The following CCL20 variants were observed in gnomAD, a reference collection of about 807,000 sequenced individuals.
CCL20 encodes C-C motif chemokine ligand 20, also known as C-C motif chemokine 20.
CCL20 carries 8 observed loss-of-function variants against 10.8 expected under a neutral mutation model. That is an observed-to-expected ratio of 0.74 (90% CI 0.44 to 1.34). The LOEUF (loss-of-function observed/expected upper bound fraction) is 1.34, where lower values mean the gene tolerates loss of function less well. Among genes scored for constraint, CCL20 ranks in the 40% most tolerant of loss-of-function variants. The pLI, the probability that CCL20 is intolerant of heterozygous loss-of-function variation, is 0.01. For synonymous variants in CCL20, 40 were observed against 39.4 expected, an observed-to-expected ratio of 1.02 and a Z score of -0.06; for missense variants, 107 against 117.9, an observed-to-expected ratio of 0.91 and a Z score of 0.43.
intron 1 of CCL20, 65 bp downstream of exon 1, chr2:227,814,052 C>T: frequency 7.2e-7 from 1 of 1,391,166 alleles, no homozygotes; most frequent in Non-Finnish European, 1.0e-6. Flanking sequence ...TAGCCTTGAG[C>T]TCAACTGGGG....
chr2:227,814,268 T>C (rs566022789), intron 1 of CCL20, among the ~76,000 whole-genome samples: 1 of 152,170 alleles, frequency 6.6e-6, no homozygotes, highest in Non-Finnish European at 1.5e-5. Flanking sequence ...CTGGGAGTGA[T>C]ATAAAGTGTG....
At chr2:227,814,126 A>G (rs533869975) in intron 1 of CCL20, 139 bp downstream of exon 1, 104 of 732,728 alleles carry the variant, frequency 1.4e-4, no homozygotes, top group Non-Finnish European at 2.1e-4. Flanking sequence ...TTGTCTGCCC[A>G]TGGTGGAGTG....
At chr2:227,816,173 G>A (rs1159487828) in intron 2 of CCL20, 134 bp from the exon 3 acceptor site, 2 of 530,068 alleles carry the variant, frequency 3.8e-6, no homozygotes, top group Admixed American at 3.6e-5. Flanking sequence ...AGCATTTTTT[G>A]TGCATTTTAT....
chr2:227,815,313 A>C, intron 1 of CCL20, 141 bp from the exon 2 acceptor site: 1 of 526,628 alleles, frequency 1.9e-6, no homozygotes, highest in Non-Finnish European at 3.4e-6. Context: ...CAAGACATTG[A>C]AACTCCTCCT....
chr2:227,816,179 T>C (rs369379663), intron 2 of CCL20, 128 bp from the exon 3 acceptor site: 22 of 526,300 alleles, frequency 4.2e-5, no homozygotes, highest in East Asian at 3.8e-4. Context: ...TTTTGTGCAT[T>C]TTATTTTACC....
At position 227,817,134 on chromosome 2, in the gene CCL20, A is replaced by G; in HGVS notation, c.*51A>G. 6.6e-7 allele frequency: 1 copy of G among 1,504,820 alleles called. No homozygotes were observed. The highest frequency in any genetic ancestry group is 9.2e-7 in the Non-Finnish European group (1 of 1,083,232). 93.2% of individuals were successfully genotyped at this position (1,504,820 alleles called of 1,614,324 possible). On this transcript the variant is annotated 3_prime_UTR_variant, in exon 4 of 4. Coordinates refer to ENST00000358813, the MANE Select transcript of CCL20 (RefSeq NM_004591.3). ...TTGGACATAGCCCAAGAACAGAAAG[A>G]ACCTTGCTGGGGTTGGAGGTTTCAC...
rs910530068 is a variant in CCL20, at chr2:227,816,353, A to T, written c.238A>T (p.Thr80Ser). Reference protein sequence around the residue: ...KLSVCANPKQTWVKYIVRLLS... With the variant: ...KLSVCANPKQSWVKYIVRLLS... ...GTCTGTGTGCGCAAATCCAAAACAG[A>T]CTTGGGTGAAATATATTGTGCGTCT... The change falls in exon 3 of 4, where the codon ACT becomes TCT. Residue 80 changes from threonine to serine, a missense_variant. By Grantham distance (58) the Thr-to-Ser change is moderately conservative. Coordinates refer to ENST00000358813, the MANE Select transcript of CCL20 (RefSeq NM_004591.3). 1 of 1,609,856 alleles carries T rather than the reference A, an allele frequency of 6.2e-7. No individual in the cohort carries two copies. The highest frequency in any genetic ancestry group is 8.5e-7 in the Non-Finnish European group (1 of 1,176,506).
intron 1 of CCL20, among the ~76,000 whole-genome samples, chr2:227,815,184 T>C (rs886829780): frequency 3.3e-5 from 5 of 152,238 alleles, no homozygotes; most frequent in Admixed American, 6.5e-5. Context: ...ATCCCACTTA[T>C]GAGAAGTCCT....
At chr2:227,814,756 C>A (rs1324251794) in intron 1 of CCL20, among the ~76,000 whole-genome samples, 2 of 146,106 alleles carry the variant, frequency 1.4e-5, no homozygotes, top group Non-Finnish European at 3.0e-5. Context: ...AATTTTTTTA[C>A]ATTTTTTTTT....
chr2:227,817,292 G>A lies in CCL20; in HGVS notation c.*209G>A, dbSNP rs1690036461. ...ACATTAAAGTTAAACTGTATTTTATGTTATTTATAGCTGTAGGTTTTCTGT... is the reference window on the plus strand; with the variant it reads ...ACATTAAAGTTAAACTGTATTTTATATTATTTATAGCTGTAGGTTTTCTGT... On this transcript the variant is annotated 3_prime_UTR_variant, in exon 4 of 4. Transcript: ENST00000358813. The A allele has an allele frequency of 5.3e-6, 2 of 379,820 alleles. No homozygotes were observed. The highest frequency in any genetic ancestry group is 8.0e-5 in the East Asian group (2 of 24,960). The allele number at this position is 379,820 out of a possible 1,614,324, so 23.5% of individuals were successfully genotyped here. A position where few individuals can be genotyped will look rare whatever the true frequency, so the allele number is the denominator to read the frequency against.
intron 2 of CCL20, 59 bp downstream of exon 2, chr2:227,815,627 T>A: frequency 1.1e-6 from 1 of 940,590 alleles, no homozygotes; most frequent in Non-Finnish European, 1.7e-6. Context: ...ACTTCAGTTT[T>A]AAAAATGTTT....
intron 3 of CCL20, 50 bp downstream of exon 3, chr2:227,816,434 T>C: frequency 9.6e-7 from 1 of 1,036,386 alleles, no homozygotes; most frequent in South Asian, 1.4e-5. Context: ...GAAAGAGGAG[T>C]GTGCAAAGGG....
chr2:227,813,963 C>T lies in CCL20; in HGVS notation c.52C>T (p.Leu18Phe), dbSNP rs1485998765. ...LLAALMSVLL[L>F]HLCGESEAAS... ...GGCTGCTTTGATGTCAGTGCTGCTA[C>T]TCCACCTCTGCGGCGAATCAGAAGG... The change falls in exon 1 of 4, where the codon CTC (leucine) becomes TTC (phenylalanine). Residue 18 changes from leucine (L) to phenylalanine (F), a missense_variant. Physicochemically the swap from Leu to Phe is conservative, Grantham distance 22. Transcript: ENST00000358813. 6 of 1,614,108 alleles carry T rather than the reference C, an allele frequency of 3.7e-6. No individual in the cohort carries two copies. The highest frequency in any genetic ancestry group is 3.4e-6 in the Non-Finnish European group (4 of 1,179,914).
chr2:227,814,372 T>C (rs1689990918), intron 1 of CCL20, among the ~76,000 whole-genome samples: 1 of 152,180 alleles, frequency 6.6e-6, no homozygotes, highest in Non-Finnish European at 1.5e-5. Flanking sequence ...TTTGGTAAAG[T>C]TCAAAACTCA....
chr2:227,815,422 A>T, intron 1 of CCL20, 32 bp from the exon 2 acceptor site: 1 of 1,085,588 alleles, frequency 9.2e-7, no homozygotes, highest in African/African-American at 1.6e-5. Context: ...ATTCATGTGG[A>T]TCCAATACCT....
Position 227,813,928 on chromosome 2 carries a change from G to T in CCL20, c.17G>T (p.Ser6Ile). The T allele has an allele frequency of 6.2e-7, 1 of 1,614,124 alleles. No homozygotes were observed. The highest frequency in any genetic ancestry group is 8.5e-7 in the Non-Finnish European group (1 of 1,179,932). ...CTAAAAACCATGTGCTGTACCAAGAGTTTGCTCCTGGCTGCTTTGATGTCA... is the reference window on the plus strand; with the variant it reads ...CTAAAAACCATGTGCTGTACCAAGATTTTGCTCCTGGCTGCTTTGATGTCA... MCCTK[S>I]LLLAALMSVL... The change falls in exon 1 of 4, where the codon AGT becomes ATT. Residue 6 changes from serine (S) to isoleucine (I), a missense_variant. By Grantham distance (142) the Ser-to-Ile change is moderately radical (BLOSUM62 -2). Coordinates refer to ENST00000358813, the MANE Select transcript of CCL20 (RefSeq NM_004591.3).
chr2:227,816,824 A>G (rs1356719433), intron 3 of CCL20, among the ~76,000 whole-genome samples: 1 of 152,226 alleles, frequency 6.6e-6, no homozygotes, highest in African/African-American at 2.4e-5. Context: ...CATGCCATAG[A>G]TACTGAACTT....
chr2:227,815,802 T>G (rs1690017029), intron 2 of CCL20: 1 of 379,766 alleles, frequency 2.6e-6, no homozygotes, highest in East Asian at 4.6e-5. Flanking sequence ...TTAAAAATTT[T>G]TTTTGGTCAA....
chr2:227,814,906 A>G (rs1436364721), intron 1 of CCL20, among the ~76,000 whole-genome samples: 1 of 152,104 alleles, frequency 6.6e-6, no homozygotes, highest in Non-Finnish European at 1.5e-5. Context: ...TTGAACTTTT[A>G]TGAACAAAAT....
Sources: allele counts gnomAD v4.1 joint callset (sites outside exome capture counted in the v4.1 genomes callset), GRCh38; gene constraint gnomAD v4.1.1; transcripts MANE v1.5; gene names NCBI Gene and HGNC (gene_info 2026-07-23, HGNC 2026-07-21).